Variants in GPD2 observed in about 807,000 individuals in gnomAD.
The protein encoded by GPD2 is glycerol-3-phosphate dehydrogenase, mitochondrial.
Under a neutral mutation model 82.4 loss-of-function variants are expected in GPD2, and 54 were observed. The ratio of observed to expected loss-of-function variants is 0.66; its 90% confidence interval spans 0.53 to 0.82. GPD2 has a LOEUF of 0.82. Ranked by LOEUF, GPD2 falls within the 40% of genes least tolerant of loss-of-function variation. The pLI, the probability that GPD2 is intolerant of heterozygous loss-of-function variation, is 0.00. For synonymous variants in GPD2, 288 were observed against 306.1 expected, an observed-to-expected ratio of 0.94 and a Z score of 0.62; for missense variants, 748 against 896.2, an observed-to-expected ratio of 0.83 and a Z score of 2.11.
intron 6 of GPD2, among the ~76,000 whole-genome samples, chr2:156,532,458 C>T (rs568875428): frequency 9.9e-5 from 15 of 152,254 alleles, no homozygotes; most frequent in Admixed American, 4.6e-4. Context: ...CCATGTGCTC[C>T]CCCACCATTA....
intron 1 of GPD2, among the ~76,000 whole-genome samples, chr2:156,469,565 A>G (rs1383855081): frequency 2.0e-5 from 3 of 152,116 alleles, no homozygotes; most frequent in Admixed American, 1.3e-4. Flanking sequence ...GTTGATTGAA[A>G]ATCTTGGCTA....
At chr2:156,438,335 A>G (rs1003786580) in intron 1 of GPD2, among the ~76,000 whole-genome samples, 1 of 152,254 alleles carries the variant, frequency 6.6e-6, no homozygotes, top group African/African-American at 2.4e-5. Flanking sequence ...TGTACCTGGC[A>G]AGTAGTAGAC....
At chr2:156,417,296 C>G in the GPD2 span, among the ~76,000 whole-genome samples, 1 of 152,130 alleles carries the variant, frequency 6.6e-6, no homozygotes, top group Non-Finnish European at 1.5e-5. Flanking sequence ...TGATCTCATT[C>G]TTTCCAAGGT....
chr2:156,412,408 C>T, the GPD2 span, among the ~76,000 whole-genome samples: 5 of 146,900 alleles, frequency 3.4e-5, no homozygotes, highest in Non-Finnish European at 5.9e-5. Flanking sequence ...CACTGCACTA[C>T]AGCCTGGCAC....
At chr2:156,502,422 A>AGTTTT (rs1015038214) in intron 3 of GPD2, among the ~76,000 whole-genome samples, 45 of 151,926 alleles carry the variant, frequency 3.0e-4, no homozygotes, top group South Asian at 2.1e-4. Context: ...TTTTATTTCA[A>AGTTTT]GTTTTGTTTT....
intron 2 of GPD2, among the ~76,000 whole-genome samples, chr2:156,492,701 G>C (rs1684226432): frequency 6.6e-6 from 1 of 152,068 alleles, no homozygotes; most frequent in African/African-American, 2.4e-5. Flanking sequence ...CTTGATTTGA[G>C]AGGTAGCAGT....
chr2:156,403,114 C>CAAAAAAAAA, the GPD2 span, among the ~76,000 whole-genome samples: 332 of 67,110 alleles, frequency 4.9e-3, 10 homozygotes, highest in Admixed American at 5.8e-3. Context: ...GCCCCTGTCT[C>CAAAAAAAAA]AAAAAAAAAA....
At chr2:156,506,533 T>C (rs1684790008) in intron 3 of GPD2, among the ~76,000 whole-genome samples, 1 of 152,088 alleles carries the variant, frequency 6.6e-6, no homozygotes, top group South Asian at 2.1e-4. Context: ...CCTCCTGAGA[T>C]GGCTTGCTAA....
At chr2:156,403,308 G>A in the GPD2 span, among the ~76,000 whole-genome samples, 40 of 152,212 alleles carry the variant, frequency 2.6e-4, no homozygotes, top group Middle Eastern at 6.8e-3. Flanking sequence ...TTGATCTGAG[G>A]TGTGCTTTTC....
chr2:156,569,611 A>G (rs1020882710), intron 11 of GPD2, 73 bp downstream of exon 11: 1 of 859,416 alleles, frequency 1.2e-6, no homozygotes, highest in Non-Finnish European at 1.9e-6. Context: ...AACTGGCAGC[A>G]ATCAGGTCTC....
At position 156,585,623 on chromosome 2, in the gene GPD2, CT is replaced by C. The variant is rs1414546634; in HGVS notation, c.*2706del. On this transcript the variant is annotated 3_prime_UTR_variant, in exon 17 of 17. Transcript: ENST00000438166. Reference sequence around the variant, plus strand: ...CATGCTCTCTATCCTGCTTCAGTTTCTGGCTTTGCTTTGTCTGTTTCAAAAT... The same window carrying C: ...CATGCTCTCTATCCTGCTTCAGTTTCGGCTTTGCTTTGTCTGTTTCAAAAT... The C allele has an allele frequency of 6.6e-6, 1 of 152,422 alleles. No individual in the cohort carries two copies. Among genetic ancestry groups the C allele is most frequent in the Non-Finnish European group, 1.5e-5 (1 of 67,974 alleles). The allele number at this position is 152,422 out of a possible 1,614,324, so 9.4% of individuals were successfully genotyped here.
intron 6 of GPD2, among the ~76,000 whole-genome samples, chr2:156,517,954 G>A (rs1236842450): frequency 1.3e-5 from 2 of 152,166 alleles, no homozygotes; most frequent in East Asian, 3.8e-4. Flanking sequence ...CTTTCTGAGA[G>A]TCAAGACATT....
At chr2:156,449,328 A>G (rs1307398189) in intron 1 of GPD2, among the ~76,000 whole-genome samples, 1 of 152,198 alleles carries the variant, frequency 6.6e-6, no homozygotes, top group Non-Finnish European at 1.5e-5. Context: ...TTAGAGGATT[A>G]TATGCAGGCA....
At chr2:156,561,263 G>A (rs529604275) in intron 9 of GPD2, among the ~76,000 whole-genome samples, 23 of 151,892 alleles carry the variant, frequency 1.5e-4, no homozygotes, top group Non-Finnish European at 8.8e-5. Context: ...GGTCAGGCTG[G>A]TCTCGAACTC....
intron 6 of GPD2, among the ~76,000 whole-genome samples, chr2:156,533,539 A>T (rs1685944455): frequency 6.6e-6 from 1 of 151,436 alleles, no homozygotes; most frequent in African/African-American, 2.5e-5. Flanking sequence ...ATAGTTTTTT[A>T]AAAATCTGCT....
intron 1 of GPD2, among the ~76,000 whole-genome samples, chr2:156,456,493 C>A (rs938029122): frequency 4.6e-5 from 7 of 151,756 alleles, no homozygotes; most frequent in African/African-American, 9.7e-5. Context: ...ATCCCAGCTT[C>A]TCTGGAGGCT....
chr2:156,528,844 G>A (rs2105301333), intron 6 of GPD2, among the ~76,000 whole-genome samples: 1 of 152,170 alleles, frequency 6.6e-6, no homozygotes, highest in South Asian at 2.1e-4. Context: ...ATCATTGTTG[G>A]ACATTTGGGT....
chr2:156,535,009 G>T lies in GPD2; in HGVS notation c.662-14599G>T, dbSNP rs537186722. Among the ~76,000 whole-genome samples, 6 of 152,242 alleles carry T rather than the reference G, an allele frequency of 3.9e-5. No homozygotes were observed. In the East Asian group the frequency reaches 1.2e-3, roughly 29 times the overall value. ...CCAGGTAAAGTCAGTGGGGGAGGAAGATGACAGGGAACACTGTGGCCAAAG... is the reference window on the plus strand; with the variant it reads ...CCAGGTAAAGTCAGTGGGGGAGGAATATGACAGGGAACACTGTGGCCAAAG... On this transcript the variant is annotated intron_variant, in intron 6 of 16. Coordinates refer to ENST00000438166, the MANE Select transcript of GPD2 (RefSeq NM_000408.5).
At chr2:156,490,387 G>GA (rs5835615) in intron 2 of GPD2, among the ~76,000 whole-genome samples, 46,442 of 129,760 alleles carry the variant, frequency 0.36, 8,561 homozygotes, top group Middle Eastern at 0.48. Context: ...AGCTTTTATG[G>GA]AAAAAAAAAA....
Sources: gnomAD v4.1 joint callset for allele counts (sites outside exome capture counted in the v4.1 genomes callset) on GRCh38, gnomAD v4.1.1 for gene constraint, MANE v1.5 for transcripts, NCBI Gene and HGNC (gene_info 2026-07-23, HGNC 2026-07-21) for gene names.